TESC: variants seen among roughly 807,000 people sequenced by gnomAD.
TESC encodes tescalcin, also known as calcineurin B homologous protein 3.
Under a neutral mutation model 31.0 loss-of-function variants are expected in TESC, and 19 were observed. That is an observed-to-expected ratio of 0.61 (90% CI 0.43 to 0.90). TESC has a LOEUF of 0.90. Among genes scored for constraint, TESC ranks in the 40% least tolerant of loss-of-function variants. The pLI, the probability that TESC is intolerant of heterozygous loss-of-function variation, is 0.00. For synonymous variants in TESC, 109 were observed against 114.8 expected (o/e 0.95, Z 0.32); for missense variants, 248 against 303.8 (o/e 0.82, Z 1.36).
At chr12:117,040,236 T>G (rs993562181) in intron 7 of TESC, among the ~76,000 whole-genome samples, 1 of 152,146 alleles carries the variant, frequency 6.6e-6, no homozygotes, top group Non-Finnish European at 1.5e-5. Context: ...ACAGCTCTGG[T>G]CCCAGTCGAG....
chr12:117,069,217 CCT>C (rs1034386313), intron 2 of TESC, among the ~76,000 whole-genome samples: 1 of 151,896 alleles, frequency 6.6e-6, no homozygotes, highest in African/African-American at 2.4e-5. Context: ...TTGGGGGTTC[CCT>C]CTTTTAAAAA....
chr12:117,049,042 A>T lies in TESC; in HGVS notation c.326T>A (p.Leu109Gln). 2 of 1,614,216 alleles carry T rather than the reference A, an allele frequency of 1.2e-6. No individual in the cohort carries two copies. Among genetic ancestry groups the T allele is most frequent in the South Asian group, 2.2e-5 (2 of 91,078 alleles). Residue 109 changes from leucine to glutamine, a missense_variant, in exon 4 of 8, where the codon CTG (leucine) becomes CAG (glutamine). Leu to Gln is a moderately radical substitution (Grantham distance 113). Coordinates refer to ENST00000335209, the MANE Select transcript of TESC (RefSeq NM_017899.4). Reference protein sequence around the residue: ...DTTMDEEQVELSRKEKLRFLF... With the variant: ...DTTMDEEQVEQSRKEKLRFLF... The stretch of plus-strand genomic sequence containing the variant: ...ACATCTCAGCTTCTCCTTCCGGGAC[A>T]GCTCCACCTGTTCCTCGTCCATGGT...
At chr12:117,088,464 G>T (rs4341616) in intron 1 of TESC, among the ~76,000 whole-genome samples, 80,451 of 151,938 alleles carry the variant, frequency 0.53, 22,609 homozygotes, top group African/African-American at 0.73. Flanking sequence ...GTGCATCACT[G>T]GAGGCCAGGA....
At chr12:117,083,939 C>T (rs1176247244) in intron 1 of TESC, 2 of 151,984 alleles carry the variant, frequency 1.3e-5, no homozygotes, top group Non-Finnish European at 2.9e-5. Context: ...ACTGAAAATA[C>T]AAAAATTAGC....
chr12:117,056,432 G>A (rs768766093), intron 3 of TESC, among the ~76,000 whole-genome samples: 2 of 139,112 alleles, frequency 1.4e-5, no homozygotes, highest in African/African-American at 3.0e-5. Context: ...GAGTGCAAGC[G>A]GTGTGATCAT....
chr12:117,070,848 G>A (rs1460760756), intron 2 of TESC, among the ~76,000 whole-genome samples: 1 of 152,162 alleles, frequency 6.6e-6, no homozygotes, highest in Non-Finnish European at 1.5e-5. Flanking sequence ...GCACACACCT[G>A]TAGTCCCAGC....
chr12:117,098,048 G>A (rs1565979613), intron 1 of TESC, among the ~76,000 whole-genome samples: 2 of 152,086 alleles, frequency 1.3e-5, no homozygotes, highest in Non-Finnish European at 2.9e-5. Flanking sequence ...ATGGTTTTCT[G>A]CAATTTTCAT....
At chr12:117,047,269 C>T (rs1043864502) in intron 4 of TESC, among the ~76,000 whole-genome samples, 4 of 152,242 alleles carry the variant, frequency 2.6e-5, no homozygotes, top group African/African-American at 9.6e-5. Flanking sequence ...TCACGGTCCA[C>T]AGTGCTTCTG....
intron 3 of TESC, among the ~76,000 whole-genome samples, chr12:117,053,022 ACCTCACCGC>A: frequency 6.6e-6 from 1 of 151,968 alleles, no homozygotes; most frequent in South Asian, 2.1e-4. Context: ...ACCAGCCCAG[ACCTCACCGC>A]CCCTTCCTGC....
chr12:117,044,725 C>T (rs1453656393), intron 6 of TESC, among the ~76,000 whole-genome samples: 1 of 152,178 alleles, frequency 6.6e-6, no homozygotes, highest in Non-Finnish European at 1.5e-5. Flanking sequence ...GGTGAAACCC[C>T]GTCTCTGCTA....
At chr12:117,046,486 G>A in intron 6 of TESC, 73 bp downstream of exon 6, 1 of 1,419,318 alleles carries the variant, frequency 7.0e-7, no homozygotes, top group Non-Finnish European at 9.5e-7. Flanking sequence ...CCTGCCCCAT[G>A]AGGCCTTCCA....
chr12:117,080,753 C>T lies in TESC; in HGVS notation c.59-5413G>A, dbSNP rs371643038. Among the ~76,000 whole-genome samples, 73 of 152,330 alleles carry T rather than the reference C, an allele frequency of 4.8e-4. No individual in the cohort carries two copies. The East Asian group carries it at 0.012, about 26-fold the overall frequency. On this transcript the variant is annotated intron_variant, in intron 1 of 7. Transcript: ENST00000335209. ...GAGCTGCTTCCTCCTAACTGCGCCC[C>T]CCCAACCCCTTCCCTGCCCCCACAC...
chr12:117,071,280 T>C (rs1363602952), intron 2 of TESC, among the ~76,000 whole-genome samples: 3 of 152,240 alleles, frequency 2.0e-5, no homozygotes, highest in Non-Finnish European at 4.4e-5. Context: ...CAGCACCTAC[T>C]GTGTTACAGG....
intron 2 of TESC, among the ~76,000 whole-genome samples, chr12:117,061,759 T>C (rs1236647076): frequency 6.6e-6 from 1 of 152,156 alleles, no homozygotes; most frequent in Non-Finnish European, 1.5e-5. Context: ...ATCTGTGAGA[T>C]GGGTGCAGAC....
intron 3 of TESC, among the ~76,000 whole-genome samples, chr12:117,054,638 C>T (rs1328934914): frequency 1.3e-5 from 2 of 152,310 alleles, no homozygotes; most frequent in African/African-American, 4.8e-5. Flanking sequence ...CCCCTCTCCC[C>T]GTGAGCAGCA....
Position 117,059,851 on chromosome 12 carries a change from CA to C in TESC, c.129-2966del, listed in dbSNP as rs370898730. On this transcript the variant is annotated intron_variant, in intron 2 of 7. Coordinates refer to ENST00000335209, the MANE Select transcript of TESC (RefSeq NM_017899.4). Reference sequence around the variant, plus strand: ...AGGTAATCCACCCACCTCAGCCTCCCAAAGTGCTGGGATTACAGGTGTGAGC... The same window carrying C: ...AGGTAATCCACCCACCTCAGCCTCCCAAGTGCTGGGATTACAGGTGTGAGC... 5.0e-3 allele frequency among the ~76,000 whole-genome samples: 768 copies of C among 152,266 alleles called. 3 individuals are homozygous for C. Among genetic ancestry groups the C allele is most frequent in the African/African-American group, 0.017 (696 of 41,542 alleles).
intron 2 of TESC, among the ~76,000 whole-genome samples, chr12:117,074,507 A>G (rs891921734): frequency 5.9e-5 from 9 of 152,316 alleles, no homozygotes; most frequent in Admixed American, 3.9e-4. Flanking sequence ...CTTAACAGAA[A>G]TTTGAGGCGG....
chr12:117,039,716 G>C (rs1954454070), intron 7 of TESC, among the ~76,000 whole-genome samples: 1 of 152,184 alleles, frequency 6.6e-6, no homozygotes, highest in Non-Finnish European at 1.5e-5. Flanking sequence ...TCCACAGTGT[G>C]GTCTTTACAA....
chr12:117,081,302 T>TA (rs1055009398), intron 1 of TESC, among the ~76,000 whole-genome samples: 2 of 152,202 alleles, frequency 1.3e-5, no homozygotes, highest in Non-Finnish European at 2.9e-5. Context: ...GATCATATGG[T>TA]AAAAATGATC....
Sources: allele counts gnomAD v4.1 joint callset (sites outside exome capture counted in the v4.1 genomes callset), GRCh38; gene constraint gnomAD v4.1.1; transcripts MANE v1.5; gene names NCBI Gene and HGNC (gene_info 2026-07-23, HGNC 2026-07-21).